The following DSCAML1 variants were observed in gnomAD, a reference collection of about 807,000 sequenced individuals.
DSCAML1 encodes the protein cell adhesion molecule DSCAML1.
DSCAML1 carries 38 observed loss-of-function variants against 200.5 expected under a neutral mutation model. The ratio of observed to expected loss-of-function variants is 0.19; its 90% CI spans 0.15 to 0.25. The LOEUF (loss-of-function observed/expected upper bound fraction) is 0.25. Ranked by LOEUF, DSCAML1 falls within the 10% of genes least tolerant of loss-of-function variation. DSCAML1 has a pLI of 1.00. For synonymous variants in DSCAML1, 1,215 were observed against 1,165.0 expected, an observed-to-expected ratio of 1.04 and a Z score of -0.87; for missense variants, 2,223 against 2,858.8, an observed-to-expected ratio of 0.78 and a Z score of 5.07.
At chr11:117,685,656 C>T (rs912051399) in intron 3 of DSCAML1, among the ~76,000 whole-genome samples, 1 of 152,166 alleles carries the variant, frequency 6.6e-6, no homozygotes, top group African/African-American at 2.4e-5. Flanking sequence ...CTCTGAGCTC[C>T]CCGGGAGGAG....
At chr11:117,766,112 T>G (rs1452267533) in intron 3 of DSCAML1, among the ~76,000 whole-genome samples, 1 of 152,244 alleles carries the variant, frequency 6.6e-6, no homozygotes, top group African/African-American at 2.4e-5. Flanking sequence ...TGTGCTCATA[T>G]GCAGTGAGCC....
chr11:117,745,114 G>C, intron 3 of DSCAML1, among the ~76,000 whole-genome samples: 1 of 150,086 alleles, frequency 6.7e-6, no homozygotes, highest in African/African-American at 2.4e-5. Context: ...TCAAAGCCAG[G>C]CAACACTAAT....
chr11:117,769,246 ATGTATATATTATATATT>A (rs2054967114), intron 3 of DSCAML1, among the ~76,000 whole-genome samples: 1 of 3,298 alleles, frequency 3.0e-4, no homozygotes, highest in Non-Finnish European at 1.2e-3. Context: ...TATTTTATAT[ATGTATATATTATATATT>A]TTATATATTT....
At chr11:117,541,482 C>T (rs2050267826) in intron 3 of DSCAML1, among the ~76,000 whole-genome samples, 1 of 152,224 alleles carries the variant, frequency 6.6e-6, no homozygotes, top group South Asian at 2.1e-4. Context: ...GGCAGCTGAA[C>T]TTCCAACCTG....
Position 117,769,563 on chromosome 11 carries a change from A to T in DSCAML1, c.511+7228T>A, listed in dbSNP as rs1387933899. Among the ~76,000 whole-genome samples, 342 of 115,828 alleles carry T rather than the reference A, an allele frequency of 3.0e-3. 24 individuals carry two copies. Among genetic ancestry groups the T allele is most frequent in the African/African-American group, 0.011 (305 of 28,710 alleles). 76.0% of individuals were successfully genotyped at this position (115,828 alleles called of 152,430 possible). On this transcript the variant is annotated intron_variant, in intron 3 of 32. Transcript: ENST00000651296. ...ATTATATATTTTATATATATATTTT[A>T]TATATATTATATATTTTTTATATAT...
chr11:117,473,961 A>G (rs961302276), intron 14 of DSCAML1, among the ~76,000 whole-genome samples: 1 of 152,106 alleles, frequency 6.6e-6, no homozygotes, highest in Non-Finnish European at 1.5e-5. Flanking sequence ...GCGCCAGCTC[A>G]TAAGTCACAT....
chr11:117,592,322 GTCGCCAGTCTGCC>G (rs1342946140), intron 3 of DSCAML1, among the ~76,000 whole-genome samples: 4 of 152,150 alleles, frequency 2.6e-5, no homozygotes, highest in African/African-American at 9.7e-5. Flanking sequence ...CCATTGCAGT[GTCGCCAGTCTGCC>G]TCCCATTGAG....
rs185078936 is a variant in DSCAML1 at position 117,463,668 on chromosome 11, C to T, written c.3265+1274G>A. On this transcript the variant is annotated intron_variant, in intron 17 of 32. Coordinates refer to ENST00000651296, the MANE Select transcript of DSCAML1 (RefSeq NM_020693.4). This position sits in a 1 kb window ranked among gnomAD's most constrained non-coding sequence, Gnocchi z 4.0. ...GGGTGGGAGGGATGGAGAGGGATAGCGAGGGCCATGGGCTGAGGGCTTGGT... is the reference window on the plus strand; with the variant it reads ...GGGTGGGAGGGATGGAGAGGGATAGTGAGGGCCATGGGCTGAGGGCTTGGT... 2.6e-5 allele frequency among the ~76,000 whole-genome samples: 4 copies of T among 152,270 alleles called. No homozygotes were observed. Among genetic ancestry groups the T allele is most frequent in the Non-Finnish European group, 4.4e-5 (3 of 68,010 alleles).
intron 3 of DSCAML1, among the ~76,000 whole-genome samples, chr11:117,719,156 C>T (rs867959526): frequency 6.6e-5 from 10 of 152,084 alleles, no homozygotes; most frequent in African/African-American, 2.4e-4. Flanking sequence ...AGAAACTGGC[C>T]AGGCACAGTG....
At chr11:117,673,770 C>G (rs1175324375) in intron 3 of DSCAML1, among the ~76,000 whole-genome samples, 1 of 152,236 alleles carries the variant, frequency 6.6e-6, no homozygotes, top group Non-Finnish European at 1.5e-5. Context: ...TTGGCCCCAG[C>G]TGTGCGTGTG....
chr11:117,495,170 A>G (rs1318949753), intron 11 of DSCAML1, among the ~76,000 whole-genome samples: 2 of 152,086 alleles, frequency 1.3e-5, no homozygotes, highest in African/African-American at 4.8e-5. Flanking sequence ...GGTTGGCTTC[A>G]CATTCCCTGC....
intron 1 of DSCAML1, among the ~76,000 whole-genome samples, chr11:117,793,649 C>T (rs2055517215): frequency 6.6e-6 from 1 of 152,130 alleles, no homozygotes; most frequent in Non-Finnish European, 1.5e-5. Context: ...CCCTACCAAG[C>T]TCTCCCTGGG....
chr11:117,711,589 C>T (rs1397630093), intron 3 of DSCAML1, among the ~76,000 whole-genome samples: 1 of 152,220 alleles, frequency 6.6e-6, no homozygotes, highest in African/African-American at 2.4e-5. Flanking sequence ...CAATTCCTGA[C>T]ACAGATAACC....
intron 3 of DSCAML1, among the ~76,000 whole-genome samples, chr11:117,773,560 C>CACAA (rs1224682863): frequency 6.6e-6 from 1 of 150,654 alleles, no homozygotes; most frequent in Non-Finnish European, 1.5e-5. Flanking sequence ...CACACACACA[C>CACAA]ACAGCACAGC....
chr11:117,814,402 T>C (rs987671867), intron 1 of DSCAML1, among the ~76,000 whole-genome samples: 19 of 152,318 alleles, frequency 1.2e-4, no homozygotes, highest in African/African-American at 4.6e-4. Flanking sequence ...TGACCTTAGC[T>C]GTGAGGCCAA....
chr11:117,623,218 T>TTTC (rs1555191541), intron 3 of DSCAML1, among the ~76,000 whole-genome samples: 3 of 109,510 alleles, frequency 2.7e-5, no homozygotes, highest in African/African-American at 1.1e-4. Context: ...TTTCTTTTCT[T>TTTC]TTTTTTTTTT....
chr11:117,657,554 G>C (rs1294206730), intron 3 of DSCAML1, among the ~76,000 whole-genome samples: 1 of 152,178 alleles, frequency 6.6e-6, no homozygotes, highest in East Asian at 1.9e-4. Context: ...TGAATTTAAT[G>C]CTCCGTGTCA....
chr11:117,780,304 G>GAAAGAGAGAA lies in DSCAML1; in HGVS notation c.364+188_364+189insTTCTCTCTTT, dbSNP rs71037499. ...AGAAAGAAAGAAAGAAAGAAAGAAA[G>GAAAGAGAGAA]AGAGAAAGGAGAAAGAAAGGTGTCT... On this transcript the variant is annotated intron_variant, in intron 2 of 32. Transcript: ENST00000651296. The surrounding 1 kb of genome is among the most constrained non-coding windows in gnomAD (Gnocchi z 4.8). 1.0e-5 allele frequency among the ~76,000 whole-genome samples: 1 copy of GAAAGAGAGAA among 98,360 alleles called. No individual in the cohort carries two copies. The highest frequency in any genetic ancestry group is 2.2e-5 in the Non-Finnish European group (1 of 45,044). 64.5% of individuals were successfully genotyped at this position (98,360 alleles called of 152,430 possible). A position where few individuals can be genotyped will look rare whatever the true frequency, so the allele number is the denominator to read the frequency against.
intron 32 of DSCAML1, 52 bp from the exon 33 acceptor site, chr11:117,428,855 C>A (rs1186345927): frequency 6.7e-7 from 1 of 1,494,134 alleles, no homozygotes; most frequent in Admixed American, 2.0e-5. Flanking sequence ...CCTCTGGAAG[C>A]AGCTCGTTCA....
Sources: allele counts gnomAD v4.1 joint callset (sites outside exome capture counted in the v4.1 genomes callset), GRCh38; gene constraint gnomAD v4.1.1; non-coding constraint Gnocchi (gnomAD v3.1); transcripts MANE v1.5; gene names NCBI Gene and HGNC (gene_info 2026-07-23, HGNC 2026-07-21).